The following PPP2R5B variants were observed in gnomAD, a reference collection of about 807,000 sequenced individuals.
The protein encoded by PPP2R5B is protein phosphatase 2 regulatory subunit B'beta, also known as serine/threonine-protein phosphatase 2A 56 kDa regulatory subunit beta isoform.
A neutral mutation model predicts 59.9 loss-of-function variants in PPP2R5B; 19 were observed. The observed-to-expected ratio is 0.32, with a 90% confidence interval of 0.22 to 0.47. The LOEUF is 0.47. Ranked by LOEUF, PPP2R5B falls within the 20% of genes least tolerant of loss-of-function variation. PPP2R5B has a pLI of 1.00. For synonymous variants in PPP2R5B, 286 were observed against 260.5 expected (o/e 1.10, Z -0.94); for missense variants, 441 against 640.2 (o/e 0.69, Z 3.36).
At chr11:64,918,867 C>T (rs554779034) in intron 1 of PPP2R5B, among the ~76,000 whole-genome samples, 117 of 152,306 alleles carry the variant, frequency 7.7e-4, no homozygotes, top group African/African-American at 2.7e-3. Flanking sequence ...CAAGGGCAAC[C>T]GCCCTGGCCC....
At chr11:64,933,391 G>C (rs987677919) in intron 13 of PPP2R5B, 145 bp downstream of exon 13, 1 of 761,024 alleles carries the variant, frequency 1.3e-6, no homozygotes, top group African/African-American at 1.7e-5. Context: ...TCCTATGCCT[G>C]ACTGTCTGCC....
Position 64,927,910 on chromosome 11 carries a change from AG to A in PPP2R5B, c.498+10del, listed in dbSNP as rs756522565. ...TTCGTGGCCACACCTGCAGGTCTGAAGGGTTGGGGAAGACAGAGATCCAAGT... is the reference window on the plus strand; with the variant it reads ...TTCGTGGCCACACCTGCAGGTCTGAAGGTTGGGGAAGACAGAGATCCAAGT... On this transcript the variant is annotated splice_region_variant and intron_variant, in intron 4 of 13. Transcript: ENST00000164133. The A allele has an allele frequency of 3.1e-5, 50 of 1,592,082 alleles. No individual in the cohort carries two copies. The highest frequency in any genetic ancestry group is 4.1e-5 in the Non-Finnish European group (48 of 1,160,160).
chr11:64,931,415 T>A lies in PPP2R5B; in HGVS notation c.892-21T>A. 6.2e-7 allele frequency: 1 copy of A among 1,613,696 alleles called. No homozygotes were observed. Among genetic ancestry groups the A allele is most frequent in the Non-Finnish European group, 8.5e-7 (1 of 1,179,736 alleles). On this transcript the variant is annotated intron_variant, in intron 8 of 13. Transcript: ENST00000164133. The surrounding 1 kb of genome is among the most constrained non-coding windows in gnomAD (Gnocchi z 5.0). ...GCCTTCCTGACCTGTCTTCCTTCCC[T>A]CCACCTGTCACCCCCTGCAGCTGGC...
chr11:64,934,013 T>A lies in PPP2R5B; in HGVS notation c.*169T>A. The A allele has an allele frequency of 1.2e-6, 1 of 817,286 alleles. No individual in the cohort carries two copies. The highest frequency in any genetic ancestry group is 1.8e-6 in the Non-Finnish European group (1 of 571,042). The allele number at this position is 817,286 out of a possible 1,614,324, so 50.6% of individuals were successfully genotyped here. A position where few individuals can be genotyped will look rare whatever the true frequency, so the allele number is the denominator to read the frequency against. ...ACTGGGGGGAGACGAGGAGAGGCAA[T>A]GGTGGTCTTGGCAACAGAATGCTCA... On this transcript the variant is annotated 3_prime_UTR_variant, in exon 14 of 14. Coordinates refer to ENST00000164133, the MANE Select transcript of PPP2R5B (RefSeq NM_006244.4).
rs915004853 is a variant in PPP2R5B, at chr11:64,925,395, C to T, written c.-264-76C>T. ...GACCTGGGCACTCCACGCAGCCTCC[C>T]GGCTCTCCTGAGGAACTGATGGGCT... On this transcript the variant is annotated intron_variant, in intron 1 of 13. Transcript: ENST00000164133. This position sits in a 1 kb window ranked among gnomAD's most constrained non-coding sequence, Gnocchi z 4.6. The T allele has an allele frequency of 4.2e-5, 10 of 235,844 alleles. No individual in the cohort carries two copies. Among genetic ancestry groups the T allele is most frequent in the African/African-American group, 1.6e-4 (7 of 43,058 alleles). The allele number at this position is 235,844 out of a possible 1,614,324, so 14.6% of individuals were successfully genotyped here.
chr11:64,926,685 AGGCCC>A (rs1321184348), intron 2 of PPP2R5B, 22 bp from the exon 3 acceptor site: 11 of 1,609,862 alleles, frequency 6.8e-6, no homozygotes, highest in Non-Finnish European at 9.3e-6. Flanking sequence ...GCTGGGGCCC[AGGCCC>A]AGGATGCCCT....
intron 6 of PPP2R5B, among the ~76,000 whole-genome samples, chr11:64,929,914 T>G (rs650506): frequency 0.47 from 71,185 of 152,058 alleles, 19,062 homozygotes; most frequent in Non-Finnish European, 0.62. Flanking sequence ...TGGAGTTCAT[T>G]AGATTCCCTG....
intron 2 of PPP2R5B, 61 bp from the exon 3 acceptor site, chr11:64,926,651 C>A: frequency 6.4e-7 from 1 of 1,572,088 alleles, no homozygotes; most frequent in Non-Finnish European, 8.7e-7. Context: ...GTCTGCCCCA[C>A]CCACAGCTGG....
In PPP2R5B at chr11:64,926,850, G is replaced by A. The variant is rs1272547286; in HGVS notation, c.338G>A (p.Cys113Tyr). Residue 113 changes from cysteine (C) to tyrosine (Y), a missense_variant, in exon 3 of 14, where the codon TGT (cysteine) becomes TAT (tyrosine). Around this residue, in one of 3 missense-constraint regions of PPP2R5B, gnomAD observed 268 missense variants for 488.1 expected, o/e 0.55. Transcript: ENST00000164133. ...GCAGCCCTCAACGAGCTGGTGGAGT[G>A]TGTGGGGAGCACCCGGGGTGTCCTC... is the stretch of plus-strand genomic sequence containing the variant. ...KRAALNELVECVGSTRGVLIE... is the reference protein window; with the variant it reads ...KRAALNELVEYVGSTRGVLIE... 1 of 1,614,196 alleles carries A rather than the reference G, an allele frequency of 6.2e-7. No individual in the cohort carries two copies. The highest frequency in any genetic ancestry group is 8.5e-7 in the Non-Finnish European group (1 of 1,180,026).
chr11:64,930,711 C>G (rs1375082159), intron 8 of PPP2R5B, 122 bp downstream of exon 8: 2 of 831,362 alleles, frequency 2.4e-6, no homozygotes, highest in Non-Finnish European at 3.8e-6. Flanking sequence ...TAATTCTGTT[C>G]CATCTACCTT....
At position 64,934,393 on chromosome 11, in the gene PPP2R5B, T is replaced by TGG. The variant is rs1208472049; in HGVS notation, c.*552_*553dup. The TGG allele has an allele frequency of 2.9e-6, 1 of 344,948 alleles. No homozygotes were observed. The highest frequency in any genetic ancestry group is 5.5e-6 in the Non-Finnish European group (1 of 182,754). 21.4% of individuals were successfully genotyped at this position (344,948 alleles called of 1,614,324 possible). A position where few individuals can be genotyped will look rare whatever the true frequency, so the allele number is the denominator to read the frequency against. On this transcript the variant is annotated 3_prime_UTR_variant, in exon 14 of 14. Transcript: ENST00000164133. ...AGGCAAGAAGAGATTCACAGTGTCC[T>TGG]GGGGTAAGGGGGGGTTCACAGTAAT...
chr11:64,921,159 T>C (rs1289876935), upstream of PPP2R5B, among the ~76,000 whole-genome samples: 1 of 151,806 alleles, frequency 6.6e-6, no homozygotes, highest in Non-Finnish European at 1.5e-5. Flanking sequence ...TTTCACTATG[T>C]GGCCCAGGCT....
At chr11:64,930,402 G>A in intron 7 of PPP2R5B, 21 bp downstream of exon 7, 3 of 1,614,082 alleles carry the variant, frequency 1.9e-6, no homozygotes, top group Non-Finnish European at 2.5e-6. Context: ...CTGGGCCTCA[G>A]CTGGAGCTCA....
chr11:64,933,597 C>T (rs1945252308), intron 13 of PPP2R5B, 100 bp from the exon 14 acceptor site: 1 of 1,406,680 alleles, frequency 7.1e-7, no homozygotes, highest in Non-Finnish European at 9.5e-7. Context: ...TCCATGCCTT[C>T]CCTTTGCCGG....
rs909346275 is a variant in PPP2R5B, at chr11:64,932,745, T to C, written c.1117-20T>C. On this transcript the variant is annotated intron_variant, in intron 11 of 13. Transcript: ENST00000164133. ...AGAAGCCACTGCCAGTTAATCACTC[T>C]GCCATCTTGTCTGCCCCAGGTTGCA... 2.3e-5 allele frequency: 37 copies of C among 1,612,112 alleles called. No homozygotes were observed. The Admixed American group carries it at 4.2e-4, about 18-fold the overall frequency.
rs752477669 is a variant in PPP2R5B, at chr11:64,931,565, C to G, written c.952C>G (p.Arg318Gly). 15 of 1,613,912 alleles carry G rather than the reference C, an allele frequency of 9.3e-6. No homozygotes were observed. The highest frequency in any genetic ancestry group is 5.0e-5 in the Admixed American group (3 of 59,982). The change falls in exon 10 of 14, where the codon CGG (arginine) becomes GGG (glycine). Residue 318 changes from arginine (R) to glycine (G), a missense_variant. Physicochemically the swap from Arg to Gly is moderately radical, Grantham distance 125. Transcript: ENST00000164133. The surrounding 1 kb of genome is among the most constrained non-coding windows in gnomAD (Gnocchi z 5.0). ...CCTGTCTCATCTCCCACAGGTGATCCGGGGGCTGCTCAAATACTGGCCAAA... is the reference window on the plus strand; with the variant it reads ...CCTGTCTCATCTCCCACAGGTGATCGGGGGGCTGCTCAAATACTGGCCAAA... ...KDATLTEHVI[R>G]GLLKYWPKTC...
At chr11:64,919,257 G>A (rs1438728790) in intron 1 of PPP2R5B, among the ~76,000 whole-genome samples, 1 of 151,960 alleles carries the variant, frequency 6.6e-6, no homozygotes, top group African/African-American at 2.4e-5. Context: ...GCAGGAGAAT[G>A]GTGTGAACCT....
At chr11:64,932,656 G>A in intron 11 of PPP2R5B, 109 bp from the exon 12 acceptor site, 1 of 1,350,284 alleles carries the variant, frequency 7.4e-7, no homozygotes, top group South Asian at 1.4e-5. Flanking sequence ...TGAAGGTGGG[G>A]TGTGTGAAGG....
chr11:64,933,782 G>C lies in PPP2R5B; in HGVS notation c.1432G>C (p.Ala478Pro), dbSNP rs1247137866. ...RLRRLQGTQG[A>P]KEAPLQRLTP... ...ACGCCGGCTACAGGGGACCCAGGGG[G>C]CCAAGGAGGCCCCCCTCCAGCGGCT... is the stretch of plus-strand genomic sequence containing the variant. The change falls in exon 14 of 14, where the codon GCC becomes CCC. Residue 478 changes from alanine to proline, a missense_variant. This residue lies in a region of PPP2R5B where 70 missense variants were observed against 64.2 expected (regional missense o/e 1.09). Coordinates refer to ENST00000164133, the MANE Select transcript of PPP2R5B (RefSeq NM_006244.4). 6.4e-7 allele frequency: 1 copy of C among 1,554,030 alleles called. No homozygotes were observed. Among genetic ancestry groups the C allele is most frequent in the Admixed American group, 2.0e-5 (1 of 51,268 alleles).
Sources: allele counts gnomAD v4.1 joint callset (sites outside exome capture counted in the v4.1 genomes callset), GRCh38; gene constraint gnomAD v4.1.1; regional missense constraint gnomAD v4.1.1; non-coding constraint Gnocchi (gnomAD v3.1); transcripts MANE v1.5; gene names NCBI Gene and HGNC (gene_info 2026-07-23, HGNC 2026-07-21).